The following GRIK2 variants were observed in gnomAD, a reference collection of about 807,000 sequenced individuals.
GRIK2 encodes the protein glutamate receptor ionotropic, kainate 2.
In GRIK2, 32 loss-of-function variants were observed where a neutral mutation model predicts 100.3. That is an observed-to-expected ratio of 0.32 (90% CI 0.24 to 0.43). The LOEUF (loss-of-function observed/expected upper bound fraction) is 0.43, where lower values mean the gene tolerates loss of function less well. Among genes scored for constraint, GRIK2 ranks in the 20% least tolerant of loss-of-function variants. The pLI, the probability that GRIK2 is intolerant of heterozygous loss-of-function variation, is 1.00. For synonymous variants in GRIK2, 417 were observed against 389.4 expected (o/e 1.07, Z -0.83); for missense variants, 843 against 1,114.9 (o/e 0.76, Z 3.47).
intron 4 of GRIK2, among the ~76,000 whole-genome samples, chr6:101,647,498 T>C (rs750641048): frequency 3.9e-5 from 6 of 151,964 alleles, no homozygotes; most frequent in Non-Finnish European, 8.8e-5. Flanking sequence ...TTTAAGCCAA[T>C]ATTTTGTTTT....
At chr6:101,847,879 C>T (rs1783900599) in intron 10 of GRIK2, among the ~76,000 whole-genome samples, 1 of 152,032 alleles carries the variant, frequency 6.6e-6, no homozygotes, top group Admixed American at 6.6e-5. Flanking sequence ...TCAGGTCAAT[C>T]TATTTCTTGC....
intron 14 of GRIK2, among the ~76,000 whole-genome samples, chr6:101,966,928 A>G (rs1792714503): frequency 6.6e-6 from 1 of 152,156 alleles, no homozygotes; most frequent in South Asian, 2.1e-4. Flanking sequence ...TCAATAATTT[A>G]TAGTGTTTTA....
intron 2 of GRIK2, among the ~76,000 whole-genome samples, chr6:101,595,078 C>A (rs1415484): frequency 0.27 from 40,678 of 151,114 alleles, 5,791 homozygotes; most frequent in African/African-American, 0.34. Flanking sequence ...CATTCATAGA[C>A]TTTTCAATAA....
At chr6:101,394,405 A>G (rs1339319474) in intron 1 of GRIK2, among the ~76,000 whole-genome samples, 1 of 152,198 alleles carries the variant, frequency 6.6e-6, no homozygotes, top group Non-Finnish European at 1.5e-5. Context: ...AGAACTTTTA[A>G]CGAACCACAT....
chr6:101,853,821 T>G (rs779736918), intron 10 of GRIK2, among the ~76,000 whole-genome samples: 1 of 151,916 alleles, frequency 6.6e-6, no homozygotes, highest in Non-Finnish European at 1.5e-5. Flanking sequence ...TATTACCAAG[T>G]GAAAGAAAAC....
intron 3 of GRIK2, 39 bp downstream of exon 3, chr6:101,622,155 TC>T (rs1780194755): frequency 7.8e-7 from 1 of 1,283,206 alleles, no homozygotes; most frequent in Non-Finnish European, 1.1e-6. Flanking sequence ...TTCCTGGAAT[TC>T]AAATTTCTAG....
rs372209250 is a variant in GRIK2, at chr6:101,787,255, CTT to C, written c.952-12390_952-12389del. Among the ~76,000 whole-genome samples the C allele has an allele frequency of 2.6e-5, 4 of 151,096 alleles. No individual in the cohort carries two copies. The East Asian group carries it at 7.8e-4, about 30-fold the overall frequency. The stretch of plus-strand genomic sequence containing the variant: ...GAAGTTTGTCAATTTTTTTTAAAGA[CTT>C]TTCATTTCAATAATCCTTTGTATTA... On this transcript the variant is annotated intron_variant, in intron 7 of 16. Coordinates refer to ENST00000369134, the MANE Select transcript of GRIK2 (RefSeq NM_021956.5).
Position 101,460,586 on chromosome 6 carries a change from C to A in GRIK2, c.115+61194C>A, listed in dbSNP as rs1771254566. Reference sequence around the variant, plus strand: ...CTTTTCTATTATAGTAAGAGTGATACAGCACATTAACACTTTGGCTTATTT... The same window carrying A: ...CTTTTCTATTATAGTAAGAGTGATAAAGCACATTAACACTTTGGCTTATTT... On this transcript the variant is annotated intron_variant, in intron 2 of 16. Coordinates refer to ENST00000369134, the MANE Select transcript of GRIK2 (RefSeq NM_021956.5). 3.9e-5 allele frequency among the ~76,000 whole-genome samples: 6 copies of A among 152,180 alleles called. No homozygotes were observed. The South Asian group carries it at 1.2e-3, about 31-fold the overall frequency.
At chr6:101,749,846 T>C (rs1038058108) in intron 7 of GRIK2, among the ~76,000 whole-genome samples, 7 of 141,558 alleles carry the variant, frequency 4.9e-5, no homozygotes, top group Non-Finnish European at 7.6e-5. Flanking sequence ...AGGGTCTTAC[T>C]CTGATGCCCA....
chr6:101,484,782 A>G (rs543299443), intron 2 of GRIK2, among the ~76,000 whole-genome samples: 2 of 152,278 alleles, frequency 1.3e-5, no homozygotes, highest in Admixed American at 6.5e-5. Context: ...ATTTTTTTCA[A>G]TGATTCCTGT....
intron 2 of GRIK2, among the ~76,000 whole-genome samples, chr6:101,498,199 A>G (rs1773553292): frequency 6.6e-6 from 1 of 150,624 alleles, no homozygotes; most frequent in East Asian, 2.0e-4. Flanking sequence ...ACATGAACTC[A>G]TCATTTTTTA....
intron 11 of GRIK2, among the ~76,000 whole-genome samples, chr6:101,878,792 T>A (rs1246486197): frequency 6.6e-6 from 1 of 152,048 alleles, no homozygotes; most frequent in Non-Finnish European, 1.5e-5. Context: ...AACTGCTCAT[T>A]CCGTAGCTCT....
At chr6:101,732,408 T>G (rs1775338345) in intron 7 of GRIK2, among the ~76,000 whole-genome samples, 1 of 152,120 alleles carries the variant, frequency 6.6e-6, no homozygotes, top group Non-Finnish European at 1.5e-5. Context: ...AATCATATTT[T>G]TTTTAGTTTT....
At chr6:101,951,706 C>T (rs894716226) in intron 14 of GRIK2, among the ~76,000 whole-genome samples, 1 of 152,142 alleles carries the variant, frequency 6.6e-6, no homozygotes, top group African/African-American at 2.4e-5. Flanking sequence ...GAATAAGTCT[C>T]ATGAGATCTG....
intron 12 of GRIK2, among the ~76,000 whole-genome samples, chr6:101,908,326 T>TTTA (rs60006135): frequency 6.7e-6 from 1 of 148,620 alleles, no homozygotes; most frequent in Admixed American, 6.8e-5. Flanking sequence ...ACAATTATTT[T>TTTA]GCACCAGCCT....
chr6:101,403,257 C>T (rs950286521), intron 2 of GRIK2, among the ~76,000 whole-genome samples: 1 of 152,236 alleles, frequency 6.6e-6, no homozygotes, highest in South Asian at 2.1e-4. Context: ...GGCTCCTGGG[C>T]ACCATCTCCA....
Position 101,889,853 on chromosome 6 carries a change from G to T in GRIK2, c.1738G>T (p.Val580Phe). 1 of 1,602,144 alleles carries T rather than the reference G, an allele frequency of 6.2e-7. No individual in the cohort carries two copies. ...AYLGVSCVLF[V>F]IARFSPYEWY... ...CTTGGGTGTCAGTTGTGTGCTCTTTGTCATAGCCAGGTAACATGCTCACTT... is the reference window on the plus strand; with the variant it reads ...CTTGGGTGTCAGTTGTGTGCTCTTTTTCATAGCCAGGTAACATGCTCACTT... The change falls in exon 12 of 17, where the codon GTC (valine) becomes TTC (phenylalanine). Residue 580 changes from valine (V) to phenylalanine (F), a missense_variant. Val to Phe is a conservative substitution (Grantham distance 50). Around this residue, in one of 3 missense-constraint regions of GRIK2, gnomAD observed 237 missense variants for 388.0 expected, o/e 0.61. Coordinates refer to ENST00000369134, the MANE Select transcript of GRIK2 (RefSeq NM_021956.5).
At chr6:101,953,503 C>G (rs1791727647) in intron 14 of GRIK2, among the ~76,000 whole-genome samples, 1 of 152,150 alleles carries the variant, frequency 6.6e-6, no homozygotes, top group South Asian at 2.1e-4. Context: ...TTGTACTTCC[C>G]TGATAGCTAA....
intron 4 of GRIK2, among the ~76,000 whole-genome samples, chr6:101,669,302 G>A (rs894082744): frequency 6.6e-6 from 1 of 152,044 alleles, no homozygotes; most frequent in Non-Finnish European, 1.5e-5. Context: ...TTCTGAAAAT[G>A]TTTGTTTGTA....
Sources: allele counts gnomAD v4.1 joint callset (sites outside exome capture counted in the v4.1 genomes callset), GRCh38; gene constraint gnomAD v4.1.1; regional missense constraint gnomAD v4.1.1; transcripts MANE v1.5; gene names NCBI Gene and HGNC (gene_info 2026-07-23, HGNC 2026-07-21).